Variants in TECPR2 observed in about 807,000 individuals in gnomAD.
The protein encoded by TECPR2 is tectonin beta-propeller repeat-containing protein 2.
TECPR2 carries 65 observed loss-of-function variants against 138.1 expected under a neutral mutation model. The ratio of observed to expected loss-of-function variants is 0.47; its 90% CI spans 0.39 to 0.58. The LOEUF is 0.58. TECPR2 is among the 20% of genes least tolerant of loss of function. The pLI is 0.00. For missense variants in TECPR2, 1,553 were observed against 1,824.5 expected, an observed-to-expected ratio of 0.85 and a Z score of 2.71; for synonymous variants, 746 against 749.8, an observed-to-expected ratio of 0.99 and a Z score of 0.08.
intron 2 of TECPR2, among the ~76,000 whole-genome samples, chr14:102,400,100 C>T: frequency 6.8e-6 from 1 of 146,964 alleles, no homozygotes; most frequent in South Asian, 2.1e-4. Flanking sequence ...GGCTGGAGTA[C>T]AGTGGTGTGA....
intron 16 of TECPR2, among the ~76,000 whole-genome samples, chr14:102,458,121 G>A (rs568140328): frequency 2.6e-5 from 4 of 151,736 alleles, no homozygotes; most frequent in Admixed American, 6.6e-5. Context: ...TGATCCACCC[G>A]CCTCAGCCTC....
chr14:102,376,911 C>G lies in TECPR2; in HGVS notation c.190C>G (p.Leu64Val), dbSNP rs1887654887. ...CATGCTCTATCTGTACTGCCGGCAC[C>G]TCAACCAGATGAGGAAGTACAACTT... ...IGMLYLYCRH[L>V]NQMRKYNFEG... is the part of the protein sequence containing the mutation. Residue 64 changes from leucine to valine, a missense_variant, in exon 2 of 20, where the codon CTC becomes GTC. Physicochemically the swap from Leu to Val is conservative, Grantham distance 32. Transcript: ENST00000359520. The G allele has an allele frequency of 5.0e-6, 8 of 1,614,122 alleles. No individual in the cohort carries two copies. In the East Asian group the frequency reaches 1.8e-4, roughly 36 times the overall value.
At chr14:102,455,447 T>TCTCC (rs1890253306) in intron 16 of TECPR2, among the ~76,000 whole-genome samples, 1 of 152,052 alleles carries the variant, frequency 6.6e-6, no homozygotes. Context: ...CGCAATTTCC[T>TCTCC]CTCCTTTCTT....
intron 5 of TECPR2, among the ~76,000 whole-genome samples, chr14:102,421,793 C>T (rs1889191915): frequency 6.6e-6 from 1 of 152,160 alleles, no homozygotes; most frequent in Non-Finnish European, 1.5e-5. Context: ...GCCTGGTTTA[C>T]AGAATGGGAA....
At chr14:102,401,492 A>G (rs1888478618) in intron 2 of TECPR2, among the ~76,000 whole-genome samples, 1 of 151,208 alleles carries the variant, frequency 6.6e-6, no homozygotes. Flanking sequence ...TATATAAGAG[A>G]CTCACGGCCA....
chr14:102,460,779 C>T (rs1197819110), intron 16 of TECPR2, among the ~76,000 whole-genome samples: 3 of 150,368 alleles, frequency 2.0e-5, no homozygotes, highest in African/African-American at 7.4e-5. Context: ...ACTGCAAGCT[C>T]CACCTCCCAG....
At chr14:102,398,158 G>A (rs1175943934) in intron 2 of TECPR2, among the ~76,000 whole-genome samples, 1 of 150,658 alleles carries the variant, frequency 6.6e-6, no homozygotes. Context: ...TAAAGAGATA[G>A]AAACCCTAAA....
chr14:102,482,838 C>CTTTTTTTTTTTTT (rs758301929), intron 17 of TECPR2, among the ~76,000 whole-genome samples: 1 of 96,578 alleles, frequency 1.0e-5, no homozygotes, highest in Non-Finnish European at 2.0e-5. Flanking sequence ...AGAAGCCTTT[C>CTTTTTTTTTTTTT]TTTTTTTTTT....
chr14:102,465,848 T>A (rs897733076), intron 17 of TECPR2, among the ~76,000 whole-genome samples: 2 of 152,184 alleles, frequency 1.3e-5, no homozygotes, highest in Non-Finnish European at 2.9e-5. Context: ...CTGATTTGAA[T>A]GTACTATCTA....
At chr14:102,416,313 G>T (rs1889022861) in intron 5 of TECPR2, among the ~76,000 whole-genome samples, 1 of 152,066 alleles carries the variant, frequency 6.6e-6, no homozygotes, top group Non-Finnish European at 1.5e-5. Flanking sequence ...TAGAGACAGG[G>T]TTTCACCATG....
At chr14:102,407,017 G>A (rs369201066) in intron 2 of TECPR2, among the ~76,000 whole-genome samples, 2 of 152,084 alleles carry the variant, frequency 1.3e-5, no homozygotes, top group African/African-American at 2.4e-5. Flanking sequence ...CTGCCACCAC[G>A]CCCAGCTAAT....
intron 9 of TECPR2, among the ~76,000 whole-genome samples, chr14:102,436,320 T>TTC (rs200897091): frequency 2.7e-5 from 4 of 145,662 alleles, no homozygotes; most frequent in Non-Finnish European, 6.1e-5. Flanking sequence ...CTTTCTTTCT[T>TTC]TTTTTTTTTT....
chr14:102,452,862 A>G lies in TECPR2; in HGVS notation c.3640+235A>G, dbSNP rs116257800. Among the ~76,000 whole-genome samples, 485 of 152,208 alleles carry G rather than the reference A, an allele frequency of 3.2e-3. 2 individuals are homozygous for G. The highest frequency in any genetic ancestry group is 0.011 in the African/African-American group (461 of 41,538). On this transcript the variant is annotated intron_variant, in intron 16 of 19. Transcript: ENST00000359520. ...TTTGCAGGGCTGTCAGAACCCGAGG[A>G]GGGTGTGCGTCCTCAGGTCAAGGGG...
Position 102,498,502 on chromosome 14 carries a change from C to A in TECPR2, c.*245C>A. 1.8e-6 allele frequency: 1 copy of A among 571,234 alleles called. No homozygotes were observed. Among genetic ancestry groups the A allele is most frequent in the Non-Finnish European group, 3.1e-6 (1 of 321,034 alleles). 35.4% of individuals were successfully genotyped at this position (571,234 alleles called of 1,614,324 possible). A position where few individuals can be genotyped will look rare whatever the true frequency, so the allele number is the denominator to read the frequency against. On this transcript the variant is annotated 3_prime_UTR_variant, in exon 20 of 20. Coordinates refer to ENST00000359520, the MANE Select transcript of TECPR2 (RefSeq NM_014844.5). ...CTAGCTCAGGACAGTGGCGACTGCC[C>A]GGCTGCATGCACTCCGATTACCCAC... is the stretch of plus-strand genomic sequence containing the variant.
At chr14:102,418,837 G>T (rs1211961589) in intron 5 of TECPR2, among the ~76,000 whole-genome samples, 3 of 152,220 alleles carry the variant, frequency 2.0e-5, no homozygotes, top group African/African-American at 7.2e-5. Flanking sequence ...TTGCTGCCAC[G>T]TTGGTTCTGA....
chr14:102,469,990 G>C (rs371670156), intron 17 of TECPR2, among the ~76,000 whole-genome samples: 173 of 152,238 alleles, frequency 1.1e-3, no homozygotes, highest in African/African-American at 3.9e-3. Flanking sequence ...GCTGGATTTG[G>C]TTTGCTAAAG....
rs762675550 is a variant in TECPR2 at position 102,376,775 on chromosome 14, TCTC to T, written c.58_60del (p.Leu20del). On this transcript the variant is annotated inframe_deletion, in exon 2 of 20. Coordinates refer to ENST00000359520, the MANE Select transcript of TECPR2 (RefSeq NM_014844.5). ...TCAGAGAGTTCTGCCCGTTGTACTA[TCTC>T]CTCAATGCCATTCCGACAAAGATCC... 1.5e-5 allele frequency: 25 copies of T among 1,614,072 alleles called. No individual in the cohort carries two copies. The highest frequency in any genetic ancestry group is 2.1e-5 in the Non-Finnish European group (25 of 1,180,050).
chr14:102,455,963 A>G (rs1890268367), intron 16 of TECPR2, among the ~76,000 whole-genome samples: 2 of 152,140 alleles, frequency 1.3e-5, no homozygotes, highest in South Asian at 4.1e-4. Context: ...CATGTTGGCC[A>G]GGCTAGTCTT....
At chr14:102,437,127 G>T in intron 9 of TECPR2, 1 of 985,474 alleles carries the variant, frequency 1.0e-6, no homozygotes, top group South Asian at 4.7e-5. Flanking sequence ...ATTGAGAAGA[G>T]TTGGGCACCA....
Sources: gnomAD v4.1 joint callset for allele counts (sites outside exome capture counted in the v4.1 genomes callset) on GRCh38, gnomAD v4.1.1 for gene constraint, MANE v1.5 for transcripts, NCBI Gene and HGNC (gene_info 2026-07-23, HGNC 2026-07-21) for gene names.